The following PEBP4 variants were observed in gnomAD, a reference collection of about 807,000 sequenced individuals.
PEBP4 encodes phosphatidylethanolamine-binding protein 4.
In PEBP4, 22 loss-of-function variants were observed where a neutral mutation model predicts 23.9. That is an observed-to-expected ratio of 0.92 (90% CI 0.66 to 1.31). The LOEUF (loss-of-function observed/expected upper bound fraction) is 1.31, where lower values mean the gene tolerates loss of function less well. Among genes scored for constraint, PEBP4 ranks in the 40% most tolerant of loss-of-function variants. PEBP4 has a pLI of 0.00. For missense variants in PEBP4, 324 were observed against 281.7 expected (o/e 1.15, Z -1.07); for synonymous variants, 112 against 99.3 (o/e 1.13, Z -0.76).
At chr8:22,912,887 C>T (rs965523527) in intron 3 of PEBP4, among the ~76,000 whole-genome samples, 9 of 152,172 alleles carry the variant, frequency 5.9e-5, no homozygotes, top group Non-Finnish European at 1.2e-4. Flanking sequence ...TCGTCCTTGC[C>T]TGGGTGCTGC....
intron 3 of PEBP4, among the ~76,000 whole-genome samples, chr8:22,840,487 C>T (rs368563925): frequency 7.3e-5 from 11 of 151,652 alleles, no homozygotes; most frequent in Non-Finnish European, 1.2e-4. Flanking sequence ...AGCAATCTTC[C>T]TGCCTCGACC....
chr8:22,940,506 C>CTTTT, intron 1 of PEBP4, among the ~76,000 whole-genome samples: 1 of 127,722 alleles, frequency 7.8e-6, no homozygotes, highest in East Asian at 2.2e-4. Context: ...TTTTTTTTTT[C>CTTTT]GAGACGGAGT....
intron 4 of PEBP4, among the ~76,000 whole-genome samples, chr8:22,816,902 T>C (rs935833323): frequency 6.6e-5 from 10 of 152,194 alleles, no homozygotes; most frequent in African/African-American, 1.9e-4. Flanking sequence ...GTATATGATA[T>C]AGAGCATACT....
intron 3 of PEBP4, among the ~76,000 whole-genome samples, chr8:22,820,319 C>T (rs552880412): frequency 6.6e-6 from 1 of 152,014 alleles, no homozygotes; most frequent in African/African-American, 2.4e-5. Context: ...ACAGTTGTGT[C>T]CTTTTTAACT....
intron 3 of PEBP4, among the ~76,000 whole-genome samples, chr8:22,874,629 TTTATTA>T (rs1033661935): frequency 6.6e-5 from 10 of 152,140 alleles, no homozygotes; most frequent in East Asian, 5.8e-4. Flanking sequence ...ACCAGAGGTT[TTTATTA>T]TTATTATTTT....
intron 1 of PEBP4, among the ~76,000 whole-genome samples, chr8:22,937,064 C>T (rs187900941): frequency 4.3e-4 from 65 of 152,256 alleles, no homozygotes; most frequent in Non-Finnish European, 7.5e-4. Context: ...ATTTGCCACT[C>T]TTATTCAACA....
chr8:22,901,158 C>T (rs927171028), intron 3 of PEBP4, among the ~76,000 whole-genome samples: 7 of 152,184 alleles, frequency 4.6e-5, no homozygotes, highest in African/African-American at 1.7e-4. Context: ...CTATATTCCA[C>T]GGACAGGCCT....
At chr8:22,812,755 T>A (rs529190372) in intron 4 of PEBP4, among the ~76,000 whole-genome samples, 15 of 152,322 alleles carry the variant, frequency 9.8e-5, no homozygotes, top group Non-Finnish European at 1.6e-4. Flanking sequence ...GAAAATGAGA[T>A]TATATCATTA....
chr8:22,885,712 G>T (rs1420302060), intron 3 of PEBP4: 2 of 152,200 alleles, frequency 1.3e-5, no homozygotes, highest in African/African-American at 4.8e-5. Flanking sequence ...CTCTGCCCAA[G>T]GTCTCCAGAG....
intron 3 of PEBP4, among the ~76,000 whole-genome samples, chr8:22,911,853 TA>T (rs1318816511): frequency 1.3e-5 from 2 of 152,216 alleles, no homozygotes; most frequent in African/African-American, 4.8e-5. Flanking sequence ...GCCCCCTTGG[TA>T]GATCAGCGCA....
intron 4 of PEBP4, among the ~76,000 whole-genome samples, chr8:22,746,818 G>A (rs1265663662): frequency 6.6e-6 from 1 of 152,160 alleles, no homozygotes; most frequent in African/African-American, 2.4e-5. Flanking sequence ...TAGAGTAGCT[G>A]CCAGCTGCCT....
At chr8:22,843,030 G>T (rs562725345) in intron 3 of PEBP4, among the ~76,000 whole-genome samples, 27 of 152,316 alleles carry the variant, frequency 1.8e-4, no homozygotes, top group African/African-American at 6.5e-4. Context: ...GTTTCACCAT[G>T]TTGGCCAGGC....
chr8:22,723,584 T>G (rs959435871), intron 6 of PEBP4, among the ~76,000 whole-genome samples: 1 of 152,094 alleles, frequency 6.6e-6, no homozygotes, highest in Admixed American at 6.5e-5. Context: ...ACATCTTTGG[T>G]GAGATCGGTA....
At chr8:22,732,449 C>T (rs1018833445) in intron 4 of PEBP4, among the ~76,000 whole-genome samples, 5 of 152,244 alleles carry the variant, frequency 3.3e-5, no homozygotes, top group Non-Finnish European at 7.4e-5. Flanking sequence ...AAATAGCTAA[C>T]GCACACGGAA....
At position 22,865,496 on chromosome 8, in the gene PEBP4, G is replaced by A. The variant is rs1003199949; in HGVS notation, c.259-47761C>T. Among the ~76,000 whole-genome samples the A allele has an allele frequency of 2.0e-5, 3 of 152,020 alleles. No individual in the cohort carries two copies. The highest frequency in any genetic ancestry group is 6.5e-5 in the Admixed American group (1 of 15,276). On this transcript the variant is annotated intron_variant, in intron 3 of 6. Transcript: ENST00000256404. The surrounding 1 kb of genome is among the most constrained non-coding windows in gnomAD (Gnocchi z 6.9). ...AGCGCGCCACCGCCCCCCCGGCCGC[G>A]CAGCGAGAAGGAGCCTCGGGGAAGA... is the stretch of plus-strand genomic sequence containing the variant.
At chr8:22,772,477 T>TTC (rs1318831599) in intron 4 of PEBP4, among the ~76,000 whole-genome samples, 17 of 145,234 alleles carry the variant, frequency 1.2e-4, no homozygotes, top group African/African-American at 2.5e-4. Context: ...AGGGCAGGTA[T>TTC]TCTCTCTCTC....
At chr8:22,824,225 A>T (rs922604216) in intron 3 of PEBP4, among the ~76,000 whole-genome samples, 5 of 152,212 alleles carry the variant, frequency 3.3e-5, no homozygotes, top group Non-Finnish European at 5.9e-5. Flanking sequence ...TTATGCAATA[A>T]AATGCATTGC....
intron 3 of PEBP4, chr8:22,886,134 G>A (rs527270918): frequency 2.6e-5 from 4 of 152,280 alleles, no homozygotes; most frequent in South Asian, 2.1e-4. Context: ...CTATCTGTTC[G>A]GTGCTAGGAC....
chr8:22,730,458 C>T (rs557594468), intron 4 of PEBP4, among the ~76,000 whole-genome samples: 1 of 152,368 alleles, frequency 6.6e-6, no homozygotes, highest in South Asian at 2.1e-4. Context: ...GGAGGATCAC[C>T]TGAGCCCAGG....
Sources: gnomAD v4.1 joint callset for allele counts (sites outside exome capture counted in the v4.1 genomes callset) on GRCh38, gnomAD v4.1.1 for gene constraint, Gnocchi (gnomAD v3.1) non-coding constraint, MANE v1.5 for transcripts, NCBI Gene and HGNC (gene_info 2026-07-23, HGNC 2026-07-21) for gene names.